FGFR2: variants seen among roughly 807,000 people sequenced by gnomAD.
The protein encoded by FGFR2 is BEK fibroblast growth factor receptor.
In FGFR2, 19 loss-of-function variants were observed where a neutral mutation model predicts 95.9. The ratio of observed to expected loss-of-function variants is 0.20; its 90% confidence interval spans 0.14 to 0.29. The LOEUF (loss-of-function observed/expected upper bound fraction) is 0.29. FGFR2 is among the 10% of genes least tolerant of loss of function. FGFR2 has a pLI of 1.00. For missense variants in FGFR2, 707 were observed against 1,056.9 expected (o/e 0.67, Z 4.59); for synonymous variants, 392 against 393.3 (o/e 1.00, Z 0.04).
chr10:121,496,717 G>A lies in FGFR2; in HGVS notation c.1678C>T (p.Leu560Phe), dbSNP rs751077552. 1.2e-6 allele frequency: 2 copies of A among 1,612,010 alleles called. No homozygotes were observed. The highest frequency in any genetic ancestry group is 4.5e-5 in the East Asian group (2 of 44,870). ...GAGGCATACTCAACTATGACATAGA[G>A]AGGCCCTGTTGAGGAAGAAGAGAAG... The part of the protein sequence containing the change: ...LLGACTQDGP[L>F]YVIVEYASKG... The change falls in exon 13 of 18, where the codon CTC becomes TTC. Residue 560 changes from leucine to phenylalanine, a missense_variant. Physicochemically the swap from Leu to Phe is conservative, Grantham distance 22. Around this residue, in one of 7 missense-constraint regions of FGFR2, gnomAD observed 194 missense variants for 267.3 expected, o/e 0.73. Coordinates refer to ENST00000358487, the MANE Select transcript of FGFR2 (RefSeq NM_000141.5).
intron 4 of FGFR2, among the ~76,000 whole-genome samples, chr10:121,559,402 T>G (rs1856635842): frequency 2.0e-5 from 3 of 152,222 alleles, no homozygotes; most frequent in Admixed American, 2.0e-4. Flanking sequence ...TCCCCTTTCC[T>G]GCCTTGCCAA....
chr10:121,508,313 T>A (rs1848589526), intron 9 of FGFR2, among the ~76,000 whole-genome samples: 1 of 152,184 alleles, frequency 6.6e-6, no homozygotes, highest in African/African-American at 2.4e-5. Flanking sequence ...GGGGTTCTAG[T>A]AAGCAGGAGA....
intron 13 of FGFR2, among the ~76,000 whole-genome samples, chr10:121,488,798 CTT>C (rs1430871951): frequency 6.6e-6 from 1 of 152,168 alleles, no homozygotes; most frequent in Non-Finnish European, 1.5e-5. Flanking sequence ...ATCCTAAAAT[CTT>C]TTCTCTCAAC....
chr10:121,500,587 ATAACTC>A (rs1333469384), intron 11 of FGFR2, among the ~76,000 whole-genome samples: 2 of 152,234 alleles, frequency 1.3e-5, no homozygotes, highest in African/African-American at 4.8e-5. Context: ...GAGTCAAAGA[ATAACTC>A]TATGTAGGAG....
At chr10:121,569,234 T>A (rs1297982048) in intron 2 of FGFR2, among the ~76,000 whole-genome samples, 1 of 146,678 alleles carries the variant, frequency 6.8e-6, no homozygotes, top group East Asian at 2.0e-4. Context: ...CTTTTTTTTT[T>A]TTTTGAGACA....
At chr10:121,570,417 C>T (rs74160627) in intron 2 of FGFR2, among the ~76,000 whole-genome samples, 3 of 152,280 alleles carry the variant, frequency 2.0e-5, no homozygotes, top group African/African-American at 4.8e-5. Context: ...ACTCTGGTCA[C>T]CCCCCATGGA....
At chr10:121,545,022 G>A (rs1854303740) in intron 5 of FGFR2, among the ~76,000 whole-genome samples, 2 of 152,066 alleles carry the variant, frequency 1.3e-5, no homozygotes, top group South Asian at 4.1e-4. Context: ...ATGCACCTGT[G>A]GTCCTAGCTA....
At chr10:121,550,423 G>A (rs879571713) in intron 5 of FGFR2, among the ~76,000 whole-genome samples, 1 of 152,196 alleles carries the variant, frequency 6.6e-6, no homozygotes, top group South Asian at 2.1e-4. Flanking sequence ...AAGGCTAGAG[G>A]AGCATGCGCG....
chr10:121,588,055 T>C (rs1338833232), intron 2 of FGFR2, among the ~76,000 whole-genome samples: 3 of 152,194 alleles, frequency 2.0e-5, no homozygotes, highest in African/African-American at 4.8e-5. Flanking sequence ...TAGAATACTA[T>C]GCAGCCATAA....
chr10:121,495,006 G>A (rs1185437652), intron 13 of FGFR2, among the ~76,000 whole-genome samples: 3 of 151,960 alleles, frequency 2.0e-5, no homozygotes, highest in Admixed American at 6.6e-5. Flanking sequence ...TTGTCTCATC[G>A]GCCCCCTTTT....
At position 121,565,559 on chromosome 10, in the gene FGFR2, T is replaced by C. The variant is rs2135116869; in HGVS notation, c.255A>G (p.Thr85=). 6.2e-7 allele frequency: 1 copy of C among 1,614,228 alleles called. No homozygotes were observed. The highest frequency in any genetic ancestry group is 8.5e-7 in the Non-Finnish European group (1 of 1,180,052). ...TCTGCAAGTACTCCCCAATAAGCAC[T>C]GTCCTATTGTTGGGCCCCAAGTGCA... ...DGVHLGPNNR[T]VLIGEYLQIK... The change falls in exon 3 of 18, where the codon ACA becomes ACG. Residue 85 remains threonine (T), a synonymous_variant. Coordinates refer to ENST00000358487, the MANE Select transcript of FGFR2 (RefSeq NM_000141.5).
rs1849857017 is a variant in FGFR2 at position 121,517,558 on chromosome 10, AG to A, written c.940-96del. ...CACAAGGCGTCGCACCGGGGGCTTC[AG>A]GGGGTGCTGGCCACTGGGAGATTCC... is the stretch of plus-strand genomic sequence containing the variant. On this transcript the variant is annotated intron_variant, in intron 7 of 17. Transcript: ENST00000358487. This position sits in a 1 kb window ranked among gnomAD's most constrained non-coding sequence, Gnocchi z 4.7. 6.7e-7 allele frequency: 1 copy of A among 1,481,624 alleles called. No homozygotes were observed. Among genetic ancestry groups the A allele is most frequent in the Non-Finnish European group, 9.3e-7 (1 of 1,071,076 alleles). The allele number at this position is 1,481,624 out of a possible 1,614,324, so 91.8% of individuals were successfully genotyped here. A position where few individuals can be genotyped will look rare whatever the true frequency, so the allele number is the denominator to read the frequency against.
intron 9 of FGFR2, among the ~76,000 whole-genome samples, chr10:121,509,398 T>A (rs1022259039): frequency 4.8e-5 from 7 of 147,120 alleles, no homozygotes; most frequent in African/African-American, 1.8e-4. Flanking sequence ...CCATAGTACA[T>A]ATGGGAGATT....
At chr10:121,492,896 C>G (rs1863750) in intron 13 of FGFR2, among the ~76,000 whole-genome samples, 4,112 of 152,248 alleles carry the variant, frequency 0.027, 140 homozygotes, top group African/African-American at 0.074. Flanking sequence ...CTCACCCGCC[C>G]CCCACGTGGA....
At chr10:121,494,916 C>A (rs1001542861) in intron 13 of FGFR2, among the ~76,000 whole-genome samples, 1 of 152,142 alleles carries the variant, frequency 6.6e-6, no homozygotes, top group Non-Finnish European at 1.5e-5. Flanking sequence ...AAAGGACACT[C>A]ACAAATGTCC....
intron 11 of FGFR2, among the ~76,000 whole-genome samples, chr10:121,498,890 T>C (rs1213483722): frequency 2.0e-5 from 3 of 152,122 alleles, no homozygotes; most frequent in Non-Finnish European, 4.4e-5. Flanking sequence ...GACCATGAGA[T>C]AATCTCATCC....
chr10:121,549,551 T>C (rs1564968716), intron 5 of FGFR2, among the ~76,000 whole-genome samples: 1 of 152,174 alleles, frequency 6.6e-6, no homozygotes, highest in Non-Finnish European at 1.5e-5. Context: ...TCTTGCTTAA[T>C]AATGGAAAAA....
intron 2 of FGFR2, among the ~76,000 whole-genome samples, chr10:121,571,484 T>A (rs1452478986): frequency 2.6e-5 from 4 of 151,136 alleles, no homozygotes; most frequent in African/African-American, 9.7e-5. Context: ...GTTGTTGTAT[T>A]TTAGTAGAGA....
intron 2 of FGFR2, among the ~76,000 whole-genome samples, chr10:121,583,759 C>CAA (rs575928981): frequency 0.11 from 15,454 of 146,630 alleles, 1,039 homozygotes; most frequent in Non-Finnish European, 0.16. Flanking sequence ...CATTCTCCAG[C>CAA]AAAAAAAAAA....
Sources: allele counts gnomAD v4.1 joint callset (sites outside exome capture counted in the v4.1 genomes callset), GRCh38; gene constraint gnomAD v4.1.1; regional missense constraint gnomAD v4.1.1; non-coding constraint Gnocchi (gnomAD v3.1); transcripts MANE v1.5; gene names NCBI Gene and HGNC (gene_info 2026-07-23, HGNC 2026-07-21).